Variants in THSD7A observed in about 807,000 individuals in gnomAD.
The protein encoded by THSD7A is thrombospondin type-1 domain-containing protein 7A.
Under a neutral mutation model 231.3 loss-of-function variants are expected in THSD7A, and 96 were observed. That is an observed-to-expected ratio of 0.41 (90% CI 0.35 to 0.49). THSD7A has a LOEUF of 0.49. THSD7A is among the 20% of genes least tolerant of loss of function. The probability of loss-of-function intolerance (pLI) is 0.05; values close to 1 mark genes in which losing one functional copy is unlikely to be tolerated. For synonymous variants in THSD7A, 940 were observed against 743.3 expected (o/e 1.26, Z -4.30); for missense variants, 2,290 against 2,070.2 (o/e 1.11, Z -2.06).
intron 6 of THSD7A, among the ~76,000 whole-genome samples, chr7:11,521,783 A>G (rs1468453481): frequency 1.3e-5 from 2 of 150,448 alleles, no homozygotes; most frequent in African/African-American, 4.9e-5. Context: ...GGACTGCCAA[A>G]TAGCAGGTAT....
chr7:11,523,829 T>C (rs1788365843), intron 6 of THSD7A, among the ~76,000 whole-genome samples: 1 of 152,082 alleles, frequency 6.6e-6, no homozygotes, highest in Admixed American at 6.6e-5. Flanking sequence ...TTCTTTCAGG[T>C]CTTATTTTTA....
intron 1 of THSD7A, among the ~76,000 whole-genome samples, chr7:11,756,242 G>A (rs1182055778): frequency 6.6e-6 from 1 of 152,004 alleles, no homozygotes; most frequent in Non-Finnish European, 1.5e-5. Context: ...TAAACATTTT[G>A]AGGAGAGCAA....
intron 2 of THSD7A, among the ~76,000 whole-genome samples, chr7:11,613,181 G>C (rs912890803): frequency 1.3e-5 from 2 of 152,120 alleles, no homozygotes; most frequent in Non-Finnish European, 2.9e-5. Flanking sequence ...CCACAATCTT[G>C]GACTTATTAC....
chr7:11,760,634 T>C (rs1179138790), intron 1 of THSD7A, among the ~76,000 whole-genome samples: 2 of 152,038 alleles, frequency 1.3e-5, no homozygotes, highest in African/African-American at 4.8e-5. Context: ...AATCACAACA[T>C]CTGTAAAAGT....
chr7:11,491,120 T>C (rs1786873033), intron 6 of THSD7A, among the ~76,000 whole-genome samples: 1 of 152,062 alleles, frequency 6.6e-6, no homozygotes, highest in Admixed American at 6.6e-5. Context: ...TACAGGTATA[T>C]ACATTGTACT....
At chr7:11,647,042 T>A (rs1402722232) in intron 1 of THSD7A, among the ~76,000 whole-genome samples, 1 of 152,008 alleles carries the variant, frequency 6.6e-6, no homozygotes, top group Non-Finnish European at 1.5e-5. Flanking sequence ...GAGAATAGAA[T>A]GATTAAACAT....
At chr7:11,769,163 T>A (rs1334180807) in intron 1 of THSD7A, among the ~76,000 whole-genome samples, 1 of 96,318 alleles carries the variant, frequency 1.0e-5, no homozygotes. Context: ...ATTTTTTTTT[T>A]TTTTTGGTAT....
chr7:11,676,861 G>C (rs1052583487), intron 1 of THSD7A, among the ~76,000 whole-genome samples: 14 of 152,144 alleles, frequency 9.2e-5, no homozygotes, highest in African/African-American at 2.9e-4. Flanking sequence ...TATTATACAG[G>C]AGAATTTCTT....
At chr7:11,429,507 C>G (rs1290467566) in intron 13 of THSD7A, among the ~76,000 whole-genome samples, 1 of 152,198 alleles carries the variant, frequency 6.6e-6, no homozygotes, top group East Asian at 1.9e-4. Flanking sequence ...TAATGTCACA[C>G]AAGTTCAGGG....
intron 4 of THSD7A, among the ~76,000 whole-genome samples, chr7:11,565,002 G>T (rs1376651191): frequency 6.6e-6 from 1 of 152,096 alleles, no homozygotes; most frequent in Non-Finnish European, 1.5e-5. Context: ...CTATGGGGAT[G>T]TACCATCTGT....
At position 11,444,224 on chromosome 7, in the gene THSD7A, T is replaced by C. The variant is rs111614004; in HGVS notation, c.3064+1837A>G. Among the ~76,000 whole-genome samples, 728 of 152,138 alleles carry C rather than the reference T, an allele frequency of 4.8e-3. 5 individuals are homozygous for C. Among genetic ancestry groups the C allele is most frequent in the African/African-American group, 0.017 (689 of 41,494 alleles). ...GTGGGAGTGTAAATTAGTTCAACCA[T>C]TGTGGAAGACAGTGTGGCGATTCCT... On this transcript the variant is annotated intron_variant, in intron 13 of 27. Coordinates refer to ENST00000423059, the MANE Select transcript of THSD7A (RefSeq NM_015204.3). The surrounding 1 kb of genome is among the most constrained non-coding windows in gnomAD (Gnocchi z 4.2).
Position 11,832,174 on chromosome 7 carries a change from C to T in THSD7A, c.-228G>A. ...GCCGCCGCCTCTGGCGGGGATGCTG[C>T]TGCCGCTGCCATTCCTCGCAGAATG... On this transcript the variant is annotated 5_prime_UTR_variant, in exon 1 of 28. Transcript: ENST00000423059. The T allele has an allele frequency of 3.2e-6, 1 of 313,682 alleles. No homozygotes were observed. Among genetic ancestry groups the T allele is most frequent in the Non-Finnish European group, 5.7e-6 (1 of 173,990 alleles). 19.4% of individuals were successfully genotyped at this position (313,682 alleles called of 1,614,324 possible). A position where few individuals can be genotyped will look rare whatever the true frequency, so the allele number is the denominator to read the frequency against.
At chr7:11,701,265 T>C (rs1780591741) in intron 1 of THSD7A, among the ~76,000 whole-genome samples, 1 of 151,142 alleles carries the variant, frequency 6.6e-6, no homozygotes, top group Non-Finnish European at 1.5e-5. Context: ...TATCAGAGCT[T>C]TTATATACAA....
intron 6 of THSD7A, among the ~76,000 whole-genome samples, chr7:11,505,514 A>C (rs1018173883): frequency 1.3e-4 from 20 of 151,980 alleles, no homozygotes; most frequent in African/African-American, 4.6e-4. Context: ...TAATTCTCAT[A>C]CTTGAATTGG....
Position 11,600,504 on chromosome 7 carries a change from A to C in THSD7A, c.1023-7002T>G, listed in dbSNP as rs182067539. ...TGGTGGATTCTAAATTATAATGCCTACATATGAAGATGAAGATGATGGTAT... is the reference window on the plus strand; with the variant it reads ...TGGTGGATTCTAAATTATAATGCCTCCATATGAAGATGAAGATGATGGTAT... On this transcript the variant is annotated intron_variant, in intron 2 of 27. Coordinates refer to ENST00000423059, the MANE Select transcript of THSD7A (RefSeq NM_015204.3). Among the ~76,000 whole-genome samples the C allele has an allele frequency of 2.6e-5, 4 of 152,308 alleles. No individual in the cohort carries two copies. The East Asian group carries it at 7.7e-4, about 29-fold the overall frequency.
At chr7:11,483,813 T>A (rs1786532187) in intron 6 of THSD7A, among the ~76,000 whole-genome samples, 1 of 152,162 alleles carries the variant, frequency 6.6e-6, no homozygotes, top group African/African-American at 2.4e-5. Context: ...AACGTCATAT[T>A]TTTATTTATC....
chr7:11,649,204 A>G (rs1353256993), intron 1 of THSD7A, among the ~76,000 whole-genome samples: 1 of 152,062 alleles, frequency 6.6e-6, no homozygotes, highest in Admixed American at 6.6e-5. Flanking sequence ...AAAGGAAATG[A>G]GACCTCCTGC....
chr7:11,775,644 T>G (rs1783377221), intron 1 of THSD7A, among the ~76,000 whole-genome samples: 1 of 152,254 alleles, frequency 6.6e-6, no homozygotes. Context: ...GTCAAATTAC[T>G]AGAGACAAAA....
At chr7:11,504,384 A>G (rs2128311267) in intron 6 of THSD7A, among the ~76,000 whole-genome samples, 1 of 152,306 alleles carries the variant, frequency 6.6e-6, no homozygotes, top group South Asian at 2.1e-4. Flanking sequence ...TGGGTAATGT[A>G]ATATTATACT....
Sources: gnomAD v4.1 joint callset for allele counts (sites outside exome capture counted in the v4.1 genomes callset) on GRCh38, gnomAD v4.1.1 for gene constraint, Gnocchi (gnomAD v3.1) non-coding constraint, MANE v1.5 for transcripts, NCBI Gene and HGNC (gene_info 2026-07-23, HGNC 2026-07-21) for gene names.